TIAM2: variants seen among roughly 807,000 people sequenced by gnomAD.
TIAM2 encodes the protein TIAM Rac1 associated GEF 2.
In TIAM2, 80 loss-of-function variants were observed where a neutral mutation model predicts 152.9. The observed-to-expected ratio is 0.52, with a 90% CI of 0.44 to 0.63. The LOEUF is 0.63. TIAM2 is among the 30% of genes least tolerant of loss of function. The pLI is 0.00. For missense variants in TIAM2, 1,965 were observed against 2,120.1 expected, an observed-to-expected ratio of 0.93 and a Z score of 1.44; for synonymous variants, 804 against 838.0, an observed-to-expected ratio of 0.96 and a Z score of 0.70.
rs1329829923 is a variant in TIAM2, at chr6:155,179,155, C to G, written c.2628+12C>G. On this transcript the variant is annotated intron_variant, in intron 11 of 26. Coordinates refer to ENST00000682666, the MANE Select transcript of TIAM2 (RefSeq NM_012454.4). ...ATATGCAACAACAGGTAAGTGTGCACTAGCTTTAGGAAGGGAAACTGAACC... is the reference window on the plus strand; with the variant it reads ...ATATGCAACAACAGGTAAGTGTGCAGTAGCTTTAGGAAGGGAAACTGAACC... 6.2e-7 allele frequency: 1 copy of G among 1,602,208 alleles called. No homozygotes were observed. The highest frequency in any genetic ancestry group is 8.5e-7 in the Non-Finnish European group (1 of 1,171,078).
intron 2 of TIAM2, among the ~76,000 whole-genome samples, chr6:155,091,922 G>A (rs1778313473): frequency 6.6e-6 from 1 of 152,156 alleles, no homozygotes; most frequent in South Asian, 2.1e-4. Flanking sequence ...TTTTGAGACA[G>A]CGACGCGCTC....
At chr6:155,148,722 G>C (rs576125011) in intron 7 of TIAM2, among the ~76,000 whole-genome samples, 1 of 152,234 alleles carries the variant, frequency 6.6e-6, no homozygotes, top group East Asian at 1.9e-4. Context: ...TTTGGAAAAC[G>C]TGGTTTGGTG....
intron 15 of TIAM2, among the ~76,000 whole-genome samples, chr6:155,221,151 A>G (rs954772937): frequency 6.7e-6 from 1 of 149,084 alleles, no homozygotes; most frequent in Non-Finnish European, 1.5e-5. Context: ...AAAAAAAAAC[A>G]CAAGTTATTA....
chr6:155,256,815 C>T lies in TIAM2; in HGVS notation c.4800C>T (p.Asp1600=), dbSNP rs2114647164. The T allele has an allele frequency of 6.2e-7, 1 of 1,614,128 alleles. No individual in the cohort carries two copies. The highest frequency in any genetic ancestry group is 8.5e-7 in the Non-Finnish European group (1 of 1,180,034). Residue 1600 remains aspartate (D), a synonymous_variant, in exon 27 of 27, where the codon GAC becomes GAT. Transcript: ENST00000682666. ...TCCAGAGACTGAGGATTTCCGAGGA[C>T]CCAGACGTTCACCCCGAGGCTGAGC... is the stretch of plus-strand genomic sequence containing the variant. ...IQFQRLRISE[D]PDVHPEAEQQ... is the part of the protein sequence containing the mutation.
chr6:155,117,838 G>A (rs1360895851), intron 2 of TIAM2, among the ~76,000 whole-genome samples: 11 of 152,208 alleles, frequency 7.2e-5, no homozygotes, highest in Non-Finnish European at 1.5e-5. Flanking sequence ...GGAAGGGATG[G>A]TGTCATCTCT....
At position 155,018,995 on chromosome 6, in the gene TIAM2, G is replaced by C. The variant is rs182931353; in HGVS notation, c.-209+23503G>C. Reference sequence around the variant, plus strand: ...GCAGAGGTTACAGTGAGCTGAGATCGTGCTAGTGCACTGCAGCCTGGGTGA... The same window carrying C: ...GCAGAGGTTACAGTGAGCTGAGATCCTGCTAGTGCACTGCAGCCTGGGTGA... On this transcript the variant is annotated intron_variant, in intron 1 of 26. Coordinates refer to ENST00000682666, the MANE Select transcript of TIAM2 (RefSeq NM_012454.4). Among the ~76,000 whole-genome samples the C allele has an allele frequency of 5.5e-4, 83 of 149,606 alleles. 1 individual carries two copies. Among genetic ancestry groups the C allele is most frequent in the African/African-American group, 2.0e-3 (81 of 40,556 alleles).
intron 2 of TIAM2, among the ~76,000 whole-genome samples, chr6:155,116,579 G>A (rs1423852054): frequency 6.6e-6 from 1 of 152,188 alleles, no homozygotes; most frequent in Non-Finnish European, 1.5e-5. Context: ...CAATGACCGT[G>A]GTAGATTTTG....
intron 1 of TIAM2, among the ~76,000 whole-genome samples, chr6:155,009,242 C>T (rs1778447950): frequency 6.6e-6 from 1 of 151,912 alleles, no homozygotes; most frequent in South Asian, 2.1e-4. Flanking sequence ...GCTGAGACTA[C>T]AGCCGTGAGC....
At chr6:155,247,868 G>A (rs1783425347) in intron 19 of TIAM2, 132 bp from the exon 20 acceptor site, 1 of 1,171,592 alleles carries the variant, frequency 8.5e-7, no homozygotes, top group Admixed American at 2.2e-5. Context: ...CCACTGATGT[G>A]TTGGGGTTTT....
intron 9 of TIAM2, 139 bp downstream of exon 9, chr6:155,165,548 CT>C: frequency 8.1e-7 from 1 of 1,234,470 alleles, no homozygotes; most frequent in Non-Finnish European, 1.1e-6. Flanking sequence ...GCCTGTAATT[CT>C]AGCACACTGG....
chr6:155,015,944 C>CAAA lies in TIAM2; in HGVS notation c.-209+20479_-209+20481dup, dbSNP rs3081689. 1.5e-3 allele frequency among the ~76,000 whole-genome samples: 90 copies of CAAA among 61,834 alleles called. 1 individual carries two copies. Among genetic ancestry groups the CAAA allele is most frequent in the Middle Eastern group, 0.016 (1 of 64 alleles). 40.6% of individuals were successfully genotyped at this position (61,834 alleles called of 152,430 possible). A position where few individuals can be genotyped will look rare whatever the true frequency, so the allele number is the denominator to read the frequency against. On this transcript the variant is annotated intron_variant, in intron 1 of 26. Transcript: ENST00000682666. ...AGAGCAAGACCCTGTTTCAAAAAAC[C>CAAA]AAAAAAAAAAAAAAAAAAAAAAAAA...
Position 155,248,071 on chromosome 6 carries a change from G to A in TIAM2, c.3724G>A (p.Glu1242Lys). Reference protein sequence around the residue: ...NPTKQHSSTLESYLIKPVQRV... With the variant: ...NPTKQHSSTLKSYLIKPVQRV... The stretch of plus-strand genomic sequence containing the variant: ...CACCAAGCAGCATTCCTCCACGCTG[G>A]AGTCCTACCTCATCAAGCCGGTTCA... The change falls in exon 20 of 27, where the codon GAG (glutamate) becomes AAG (lysine). Residue 1242 changes from glutamate to lysine, a missense_variant. This residue lies in a region of TIAM2 where 935 missense variants were observed against 980.0 expected (regional missense o/e 0.95). Transcript: ENST00000682666. 6.2e-7 allele frequency: 1 copy of A among 1,614,198 alleles called. No homozygotes were observed. The highest frequency in any genetic ancestry group is 8.5e-7 in the Non-Finnish European group (1 of 1,180,030).
At chr6:155,229,393 C>T (rs1360722580) in intron 15 of TIAM2, among the ~76,000 whole-genome samples, 2 of 152,190 alleles carry the variant, frequency 1.3e-5, no homozygotes, top group Non-Finnish European at 2.9e-5. Flanking sequence ...TTCATTGAGC[C>T]CTGGCCTTTG....
chr6:155,057,197 G>T (rs1210575415), intron 1 of TIAM2, among the ~76,000 whole-genome samples: 3 of 150,992 alleles, frequency 2.0e-5, no homozygotes, highest in Admixed American at 6.6e-5. Context: ...CCCAGCTAAT[G>T]TTTTTTTATT....
rs140859408 is a variant in TIAM2, at chr6:155,137,353, C to T, written c.1371C>T (p.Asn457=). 1.2e-4 allele frequency: 200 copies of T among 1,614,214 alleles called. No individual in the cohort carries two copies. In the African/African-American group the frequency reaches 2.2e-3, roughly 18 times the overall value. ...TTGGCAGCGATCCCCTCCGGCAGAA[C>T]ATTTATGAGAATTTCATGCGAGAGT... is the stretch of plus-strand genomic sequence containing the variant. ...HAIGSDPLRQ[N]IYENFMRELE... is the part of the protein sequence containing the mutation. Residue 457 remains asparagine, a synonymous_variant, in exon 5 of 27, where the codon AAC becomes AAT. Coordinates refer to ENST00000682666, the MANE Select transcript of TIAM2 (RefSeq NM_012454.4).
chr6:155,031,206 A>G (rs1776814536), intron 1 of TIAM2, among the ~76,000 whole-genome samples: 1 of 152,162 alleles, frequency 6.6e-6, no homozygotes, highest in African/African-American at 2.4e-5. Context: ...ACACCTATTC[A>G]CTTCTTGTCA....
At chr6:155,221,113 T>C (rs1314255679) in intron 15 of TIAM2, among the ~76,000 whole-genome samples, 2,981 of 6,714 alleles carry the variant, frequency 0.44, 92 homozygotes, top group Middle Eastern at 0.5. Flanking sequence ...TCATCTTGTT[T>C]TTTTTTTTTT....
intron 1 of TIAM2, among the ~76,000 whole-genome samples, chr6:155,003,194 T>C (rs1279941358): frequency 6.6e-6 from 1 of 152,098 alleles, no homozygotes; most frequent in East Asian, 1.9e-4. Flanking sequence ...TGCTGAAAGT[T>C]AAAATACATA....
chr6:155,057,019 T>C (rs1205497337), intron 1 of TIAM2, among the ~76,000 whole-genome samples: 7 of 77,578 alleles, frequency 9.0e-5, no homozygotes, highest in Admixed American at 2.5e-4. Flanking sequence ...TTTTCTTTCT[T>C]TTTTTTTTTT....
Sources: gnomAD v4.1 joint callset for allele counts (sites outside exome capture counted in the v4.1 genomes callset) on GRCh38, gnomAD v4.1.1 for gene constraint, gnomAD v4.1.1 regional missense constraint, MANE v1.5 for transcripts, NCBI Gene and HGNC (gene_info 2026-07-23, HGNC 2026-07-21) for gene names.